Variants in MYO19 observed in about 807,000 individuals in gnomAD.
The protein encoded by MYO19 is myosin XIX.
A neutral mutation model predicts 129.2 loss-of-function variants in MYO19; 132 were observed. That is an observed-to-expected ratio of 1.02 (90% CI 0.89 to 1.18). MYO19 has a LOEUF of 1.18. Ranked by LOEUF, MYO19 falls within the 50% of genes most tolerant of loss-of-function variation. The pLI is 0.00. For missense variants in MYO19, 1,210 were observed against 1,216.7 expected, an observed-to-expected ratio of 0.99 and a Z score of 0.08; for synonymous variants, 531 against 477.2, an observed-to-expected ratio of 1.11 and a Z score of -1.47.
upstream of MYO19, chr17:36,534,928 G>C (rs1043722535): frequency 8.5e-5 from 13 of 152,302 alleles, no homozygotes; most frequent in African/African-American, 3.1e-4. Flanking sequence ...CACCCCGTCG[G>C]CTGCGGCACT....
Position 36,498,573 on chromosome 17 carries a change from T to C in MYO19, c.2464-14A>G. On this transcript the variant is annotated splice_polypyrimidine_tract_variant and intron_variant, in intron 24 of 25. Coordinates refer to ENST00000614623, the MANE Select transcript of MYO19 (RefSeq NM_001163735.2). ...GGCCATTCTGATCTTAAAAAGCAAA[T>C]ATCCCTTTATAGCTTTAGATTTATC... is the stretch of plus-strand genomic sequence containing the variant. 2 of 1,602,148 alleles carry C rather than the reference T, an allele frequency of 1.2e-6. No homozygotes were observed. Among genetic ancestry groups the C allele is most frequent in the South Asian group, 1.1e-5 (1 of 90,460 alleles).
upstream of MYO19, chr17:36,537,932 C>T (rs1472947768): frequency 1.9e-6 from 3 of 1,614,106 alleles, no homozygotes; most frequent in South Asian, 2.2e-5. Context: ...TAGCCCTTGA[C>T]TTTACCTCAC....
intron 5 of MYO19, 131 bp from the exon 6 acceptor site, chr17:36,525,472 G>A: frequency 2.9e-6 from 2 of 678,564 alleles, no homozygotes; most frequent in South Asian, 3.6e-5. Context: ...AAATTTTCTG[G>A]ATGTCACATT....
chr17:36,533,179 A>C (rs2073929209), intron 2 of MYO19: 1 of 153,054 alleles, frequency 6.5e-6, no homozygotes, highest in Non-Finnish European at 1.5e-5. Context: ...GGGGACAGTT[A>C]AATCTGCCTC....
intron 25 of MYO19, 30 bp from the exon 26 acceptor site, chr17:36,496,436 C>T (rs2070979902): frequency 1.2e-6 from 2 of 1,611,374 alleles, no homozygotes; most frequent in South Asian, 1.1e-5. Context: ...GCAGCTTTAG[C>T]ACTAGTTCCT....
In MYO19 at chr17:36,527,663, G is replaced by A. The variant is rs1460286171; in HGVS notation, c.188C>T (p.Thr63Ile). 1 of 1,613,790 alleles carries A rather than the reference G, an allele frequency of 6.2e-7. No homozygotes were observed. Reference protein sequence around the residue: ...RCLQARYMADTFYTNAGCTLV... With the variant: ...RCLQARYMADIFYTNAGCTLV... ...GGTGCAGCCAGCATTGGTGTAGAAT[G>A]TGTCTGCCATGTACCGGGCCTGCAG... The change falls in exon 5 of 26, where the codon ACA becomes ATA. Residue 63 changes from threonine (T) to isoleucine (I), a missense_variant. By Grantham distance (89) the Thr-to-Ile change is moderately conservative (BLOSUM62 -1). Transcript: ENST00000614623.
intron 21 of MYO19, 131 bp downstream of exon 21, chr17:36,502,966 C>G (rs1301544107): frequency 1.3e-6 from 1 of 751,148 alleles, no homozygotes; most frequent in Non-Finnish European, 2.3e-6. Flanking sequence ...ATCTGTTTCC[C>G]CCACTGAACC....
intron 21 of MYO19, 165 bp from the exon 22 acceptor site, chr17:36,501,400 C>CCT (rs1324805504): frequency 4.2e-6 from 3 of 716,072 alleles, no homozygotes; most frequent in Non-Finnish European, 6.7e-6. Flanking sequence ...CCACAAACAG[C>CCT]CTCTCTGTTG....
chr17:36,526,684 C>T (rs536461187), intron 5 of MYO19, among the ~76,000 whole-genome samples: 6 of 151,852 alleles, frequency 4.0e-5, no homozygotes, highest in Non-Finnish European at 8.8e-5. Flanking sequence ...GTCAGGAGTT[C>T]GAGACCAGCC....
upstream of MYO19, chr17:36,538,590 C>T (rs1410466802): frequency 6.2e-7 from 1 of 1,603,542 alleles, no homozygotes; most frequent in South Asian, 1.1e-5. Context: ...ACTATATTTG[C>T]AAGATAAGAC....
At chr17:36,537,097 G>C (rs1173859711), upstream of MYO19, 1 of 1,578,988 alleles carries the variant, frequency 6.3e-7, no homozygotes, top group Non-Finnish European at 8.6e-7. Context: ...TTCACAGGAA[G>C]AAAAATGTCT....
chr17:36,544,256 C>T (rs2074221643), upstream of MYO19, among the ~76,000 whole-genome samples: 1 of 152,344 alleles, frequency 6.6e-6, no homozygotes, highest in Non-Finnish European at 1.5e-5. Flanking sequence ...TCCAGTGTAA[C>T]GACAACCACA....
chr17:36,541,191 T>C (rs913264750), intron 2 of MYO19, among the ~76,000 whole-genome samples: 1 of 151,804 alleles, frequency 6.6e-6, no homozygotes, highest in Non-Finnish European at 1.5e-5. Context: ...GTGATCCGCC[T>C]GCCTCGGCCT....
At chr17:36,531,155 G>A (rs1187609084) in intron 3 of MYO19, among the ~76,000 whole-genome samples, 1 of 152,046 alleles carries the variant, frequency 6.6e-6, no homozygotes, top group Non-Finnish European at 1.5e-5. Flanking sequence ...AGCACTTTGG[G>A]AGGCCGAGGT....
At chr17:36,516,130 TGGCCTCA>T (rs2072732004) in intron 6 of MYO19, 140 bp from the exon 7 acceptor site, 1 of 998,198 alleles carries the variant, frequency 1.0e-6, no homozygotes, top group African/African-American at 1.6e-5. Flanking sequence ...AATTCAACCC[TGGCCTCA>T]GGCAAGGCAC....
rs138012192 is a variant in MYO19, at chr17:36,506,880, C to G, written c.1644+83G>C. 2,070 of 1,414,044 alleles carry G rather than the reference C, an allele frequency of 1.5e-3. 10 individuals are homozygous for G. The highest frequency in any genetic ancestry group is 1.0e-3 in the Non-Finnish European group (1,084 of 1,069,270). 87.6% of individuals were successfully genotyped at this position (1,414,044 alleles called of 1,614,324 possible). A position where few individuals can be genotyped will look rare whatever the true frequency, so the allele number is the denominator to read the frequency against. ...GGAGGTTCAGGAGAGAAAGGACTCA[C>G]GATGGGAAACTACTATGTCTGCATA... On this transcript the variant is annotated intron_variant, in intron 17 of 25. Transcript: ENST00000614623.
chr17:36,527,720 G>C (rs1228245924), intron 4 of MYO19, 21 bp from the exon 5 acceptor site: 1 of 1,599,442 alleles, frequency 6.3e-7, no homozygotes, highest in Non-Finnish European at 8.5e-7. Flanking sequence ...GATGCCTTTA[G>C]CAAACTCGGG....
chr17:36,508,907 G>C (rs1599279023), intron 14 of MYO19, 155 bp downstream of exon 14: 1 of 665,346 alleles, frequency 1.5e-6, no homozygotes, highest in African/African-American at 1.8e-5. Flanking sequence ...CCTATGCAGA[G>C]ATCTCGCTCT....
Position 36,498,418 on chromosome 17 carries a change from C to T in MYO19, c.2605G>A (p.Val869Ile). 1.2e-6 allele frequency: 2 copies of T among 1,614,038 alleles called. No homozygotes were observed. The highest frequency in any genetic ancestry group is 1.7e-6 in the Non-Finnish European group (2 of 1,179,890). Residue 869 changes from valine (V) to isoleucine (I), a missense_variant, in exon 25 of 26, where the codon GTC (valine) becomes ATC (isoleucine). By Grantham distance (29) the Val-to-Ile change is conservative. Coordinates refer to ENST00000614623, the MANE Select transcript of MYO19 (RefSeq NM_001163735.2). ...AIIRLWPLGL[V>I]LANTAMGVGS... ...ACACCCATAGCCGTATTGGCCAGGA[C>T]CAGTCCCAGGGGCCAGAGGCGGATT...
Sources: allele counts gnomAD v4.1 joint callset (sites outside exome capture counted in the v4.1 genomes callset), GRCh38; gene constraint gnomAD v4.1.1; transcripts MANE v1.5; gene names NCBI Gene and HGNC (gene_info 2026-07-23, HGNC 2026-07-21).